The following FBN2 variants were observed in gnomAD, a reference collection of about 807,000 sequenced individuals.
The protein encoded by FBN2 is fibrillin 2.
In FBN2, 105 loss-of-function variants were observed where a neutral mutation model predicts 355.6. The ratio of observed to expected loss-of-function variants is 0.30; its 90% CI spans 0.25 to 0.35. The LOEUF (loss-of-function observed/expected upper bound fraction) is 0.35. Ranked by LOEUF, FBN2 falls within the 10% of genes least tolerant of loss-of-function variation. The probability of loss-of-function intolerance (pLI) is 1.00; values close to 1 mark genes in which losing one functional copy is unlikely to be tolerated. For synonymous variants in FBN2, 1,350 were observed against 1,301.2 expected (o/e 1.04, Z -0.81); for missense variants, 3,280 against 3,758.7 (o/e 0.87, Z 3.33).
Position 128,374,607 on chromosome 5 carries a change from ATTATAAAATGTTTC to A in FBN2, c.2095+7_2095+20del, listed in dbSNP as rs1178750566. Reference sequence around the variant, plus strand: ...AAAGATCATTTTGCACAGTGGGGCCATTATAAAATGTTTCACTTACCAACACACACACGTCCATC... The same window carrying A: ...AAAGATCATTTTGCACAGTGGGGCCAACTTACCAACACACACACGTCCATC... On this transcript the variant is annotated splice_region_variant and intron_variant, in intron 15 of 64. Transcript: ENST00000262464. 1.9e-6 allele frequency: 3 copies of A among 1,613,702 alleles called. No homozygotes were observed. Among genetic ancestry groups the A allele is most frequent in the Non-Finnish European group, 2.5e-6 (3 of 1,179,792 alleles).
intron 17 of FBN2, among the ~76,000 whole-genome samples, chr5:128,365,649 T>C (rs1013597315): frequency 6.6e-6 from 1 of 150,516 alleles, no homozygotes; most frequent in Non-Finnish European, 1.5e-5. Context: ...AGAATATACA[T>C]AAATATATAT....
chr5:128,444,054 CTTTTTTTTTTTTTTTTT>C (rs35768962), intron 7 of FBN2, among the ~76,000 whole-genome samples: 2 of 65,610 alleles, frequency 3.0e-5, no homozygotes, highest in East Asian at 5.5e-4. Flanking sequence ...ATCACTTGTT[CTTTTTTTTTTTTTTTTT>C]TTTTTTTTTT....
At chr5:128,269,911 A>G (rs1321113499) in intron 62 of FBN2, among the ~76,000 whole-genome samples, 1 of 152,216 alleles carries the variant, frequency 6.6e-6, no homozygotes, top group Non-Finnish European at 1.5e-5. Context: ...AAAGGAACAA[A>G]GCTGGAGGCC....
chr5:128,446,596 T>C lies in FBN2; in HGVS notation c.837A>G (p.Glu279=), dbSNP rs2127056950. The change falls in exon 7 of 65, where the codon GAA becomes GAG. Residue 279 remains glutamate (E), a synonymous_variant. Coordinates refer to ENST00000262464, the MANE Select transcript of FBN2 (RefSeq NM_001999.4). Reference sequence around the variant, plus strand: ...GGCATATCCCTGGGATAGCCTGGCATTCATCAACATCTGCAAGAAGAAAAC... The same window carrying C: ...GGCATATCCCTGGGATAGCCTGGCACTCATCAACATCTGCAAGAAGAAAAC... ...IRTGACQDVD[E]CQAIPGICQG... The C allele has an allele frequency of 6.2e-7, 1 of 1,613,626 alleles. No homozygotes were observed. The highest frequency in any genetic ancestry group is 1.3e-5 in the African/African-American group (1 of 75,056).
intron 45 of FBN2, among the ~76,000 whole-genome samples, chr5:128,304,733 G>A (rs1006692324): frequency 2.6e-5 from 4 of 152,126 alleles, no homozygotes; most frequent in African/African-American, 4.8e-5. Flanking sequence ...CTGAACTGAC[G>A]AACATATCGC....
Position 128,463,269 on chromosome 5 carries a change from C to A in FBN2, c.826+1455G>T, listed in dbSNP as rs1011742247. 2.6e-5 allele frequency among the ~76,000 whole-genome samples: 4 copies of A among 151,894 alleles called. No individual in the cohort carries two copies. The South Asian group carries it at 8.3e-4, about 32-fold the overall frequency. On this transcript the variant is annotated intron_variant, in intron 6 of 64. Transcript: ENST00000262464. ...CCTATAGAAGAAACTGTTGCACTAC[C>A]AGGAACTCTATATATTCAGACTAAT... is the stretch of plus-strand genomic sequence containing the variant.
At position 128,350,784 on chromosome 5, in the gene FBN2, A is replaced by C. The variant is rs78569930; in HGVS notation, c.2812+84T>G. Reference sequence around the variant, plus strand: ...TAAATGATCTCTGACCTTCTTCACTAAGGAACTGCGTAGTGAAAGAGGTGT... The same window carrying C: ...TAAATGATCTCTGACCTTCTTCACTCAGGAACTGCGTAGTGAAAGAGGTGT... On this transcript the variant is annotated intron_variant, in intron 21 of 64. Coordinates refer to ENST00000262464, the MANE Select transcript of FBN2 (RefSeq NM_001999.4). 0.01 allele frequency: 15,144 copies of C among 1,488,042 alleles called. 972 individuals are homozygous for C. In the African/African-American group the frequency reaches 0.16, roughly 15 times the overall value. The allele number at this position is 1,488,042 out of a possible 1,614,324, so 92.2% of individuals were successfully genotyped here. A position where few individuals can be genotyped will look rare whatever the true frequency, so the allele number is the denominator to read the frequency against.
At chr5:128,430,851 AAAAT>A (rs140579051) in intron 7 of FBN2, among the ~76,000 whole-genome samples, 11,681 of 147,776 alleles carry the variant, frequency 0.079, 915 homozygotes, top group East Asian at 0.49. Context: ...CCCTGTCTCA[AAAAT>A]AAATAAATAA....
chr5:128,313,872 A>AC (rs1451923518), intron 36 of FBN2, among the ~76,000 whole-genome samples: 6 of 151,122 alleles, frequency 4.0e-5, no homozygotes, highest in South Asian at 2.1e-4. Flanking sequence ...AAAAAAAAAA[A>AC]AAAACATATC....
chr5:128,274,339 T>C (rs1765334597), intron 60 of FBN2, among the ~76,000 whole-genome samples: 1 of 152,210 alleles, frequency 6.6e-6, no homozygotes. Flanking sequence ...AGGCACTGCT[T>C]GAAATATGGC....
intron 5 of FBN2, among the ~76,000 whole-genome samples, chr5:128,512,278 G>A (rs1401926574): frequency 3.9e-5 from 6 of 152,060 alleles, no homozygotes; most frequent in African/African-American, 7.2e-5. Flanking sequence ...TTCGGAGGCC[G>A]AGGCGGGTGG....
At chr5:128,476,612 TAA>T (rs1755010866) in intron 5 of FBN2, among the ~76,000 whole-genome samples, 1 of 149,178 alleles carries the variant, frequency 6.7e-6, no homozygotes, top group Non-Finnish European at 1.5e-5. Context: ...TATAGTGAAA[TAA>T]AAAGAGCAAA....
At chr5:128,293,544 T>C (rs1749395548) in intron 48 of FBN2, among the ~76,000 whole-genome samples, 1 of 152,044 alleles carries the variant, frequency 6.6e-6, no homozygotes. Flanking sequence ...CAAACTAGTG[T>C]CATTGCTAAC....
chr5:128,270,831 G>A (rs1401432113), intron 62 of FBN2, among the ~76,000 whole-genome samples: 1 of 152,056 alleles, frequency 6.6e-6, no homozygotes, highest in African/African-American at 2.4e-5. Context: ...CTGGGCATAA[G>A]GAGTTCTACA....
At position 128,392,032 on chromosome 5, in the gene FBN2, T is replaced by C. The variant is rs1414753769; in HGVS notation, c.1589A>G (p.Asn530Ser). 6 of 1,613,664 alleles carry C rather than the reference T, an allele frequency of 3.7e-6. No individual in the cohort carries two copies. Among genetic ancestry groups the C allele is most frequent in the South Asian group, 1.1e-5 (1 of 91,074 alleles). ...ECNMGYKQDA[N>S]GDCIDVDECT... ...CACAAACTTACCTATACAATCTCCA[T>C]TTGCATCCTGCTTATAACCCATGTT... Residue 530 changes from asparagine (N) to serine (S), a missense_variant, in exon 11 of 65, where the codon AAT (asparagine) becomes AGT (serine). Asn to Ser is a conservative substitution (Grantham distance 46). This residue lies in a region of FBN2 where 2,284 missense variants were observed against 2,749.5 expected (regional missense o/e 0.83). Coordinates refer to ENST00000262464, the MANE Select transcript of FBN2 (RefSeq NM_001999.4).
chr5:128,324,396 C>A (rs1750483589), intron 34 of FBN2, among the ~76,000 whole-genome samples: 3 of 152,114 alleles, frequency 2.0e-5, no homozygotes, highest in Admixed American at 2.0e-4. Flanking sequence ...GATTTTAGAT[C>A]TTTCTTGCTT....
intron 55 of FBN2, among the ~76,000 whole-genome samples, chr5:128,283,325 G>A (rs544413658): frequency 6.6e-6 from 1 of 152,306 alleles, no homozygotes; most frequent in Admixed American, 6.5e-5. Context: ...AATGATCCAT[G>A]GCGATAAATT....
At chr5:128,385,981 T>G (rs1752357318) in intron 11 of FBN2, among the ~76,000 whole-genome samples, 1 of 151,878 alleles carries the variant, frequency 6.6e-6, no homozygotes, top group Non-Finnish European at 1.5e-5. Context: ...TGTAGGTTGT[T>G]TACTCTGATA....
At chr5:128,449,101 A>G (rs1445342743) in intron 6 of FBN2, among the ~76,000 whole-genome samples, 1 of 151,608 alleles carries the variant, frequency 6.6e-6, no homozygotes, top group Non-Finnish European at 1.5e-5. Context: ...ATAGAGATAA[A>G]ATATATTTTC....
Sources: allele counts gnomAD v4.1 joint callset (sites outside exome capture counted in the v4.1 genomes callset), GRCh38; gene constraint gnomAD v4.1.1; regional missense constraint gnomAD v4.1.1; transcripts MANE v1.5; gene names NCBI Gene and HGNC (gene_info 2026-07-23, HGNC 2026-07-21).